CAMK4: variants seen among roughly 807,000 people sequenced by gnomAD.
CAMK4 encodes calcium/calmodulin dependent protein kinase IV, also known as calcium/calmodulin-dependent protein kinase type IV.
CAMK4 carries 22 observed loss-of-function variants against 44.9 expected under a neutral mutation model. The observed-to-expected ratio is 0.49, with a 90% CI of 0.35 to 0.70. The LOEUF (loss-of-function observed/expected upper bound fraction) is 0.70, where lower values mean the gene tolerates loss of function less well. Ranked by LOEUF, CAMK4 falls within the 30% of genes least tolerant of loss-of-function variation. The pLI, the probability that CAMK4 is intolerant of heterozygous loss-of-function variation, is 0.01. For missense variants in CAMK4, 498 were observed against 586.8 expected, an observed-to-expected ratio of 0.85 and a Z score of 1.56; for synonymous variants, 218 against 215.4, an observed-to-expected ratio of 1.01 and a Z score of -0.11.
chr5:111,476,381 A>C (rs991721782), intron 8 of CAMK4, among the ~76,000 whole-genome samples: 3 of 151,772 alleles, frequency 2.0e-5, no homozygotes, highest in African/African-American at 4.8e-5. Context: ...GGGTTCAAGC[A>C]ATTCTTCTGC....
In CAMK4 at chr5:111,230,620, TGAAA is replaced by T. The variant is rs764123411; in HGVS notation, c.161+5979_161+5982del. ...TGCTTCTAAACTGTTCTGGAGAACT[TGAAA>T]GAGAGAGAGAAAAAGAACACTAACC... is the stretch of plus-strand genomic sequence containing the variant. On this transcript the variant is annotated intron_variant, in intron 1 of 10. Coordinates refer to ENST00000282356, the MANE Select transcript of CAMK4 (RefSeq NM_001744.6). 8.6e-5 allele frequency among the ~76,000 whole-genome samples: 13 copies of T among 151,034 alleles called. No individual in the cohort carries two copies. In the East Asian group the frequency reaches 1.9e-3, roughly 23 times the overall value.
At chr5:111,424,563 G>C (rs1753150157) in intron 5 of CAMK4, among the ~76,000 whole-genome samples, 1 of 145,154 alleles carries the variant, frequency 6.9e-6, no homozygotes, top group Non-Finnish European at 1.5e-5. Flanking sequence ...TCCTGCCTCA[G>C]CCTCGCGAAT....
Position 111,433,798 on chromosome 5 carries a change from A to T in CAMK4, c.460-12888A>T, listed in dbSNP as rs562355672. ...GCTGTGTGGCTAGGGCATGGCAAGA[A>T]TTGTCCCAGGATGACGCACAGCCAC... On this transcript the variant is annotated intron_variant, in intron 5 of 10. Coordinates refer to ENST00000282356, the MANE Select transcript of CAMK4 (RefSeq NM_001744.6). Among the ~76,000 whole-genome samples the T allele has an allele frequency of 4.5e-4, 68 of 152,320 alleles. No individual in the cohort carries two copies. In the Middle Eastern group the frequency reaches 0.014, roughly 30 times the overall value.
At chr5:111,461,449 G>A (rs531508948) in intron 7 of CAMK4, among the ~76,000 whole-genome samples, 1 of 152,260 alleles carries the variant, frequency 6.6e-6, no homozygotes, top group Admixed American at 6.5e-5. Context: ...AACAGGTTGT[G>A]CTCCTTTCTT....
intron 1 of CAMK4, among the ~76,000 whole-genome samples, chr5:111,260,893 C>T (rs1333739513): frequency 2.0e-5 from 3 of 152,158 alleles, no homozygotes; most frequent in Non-Finnish European, 4.4e-5. Context: ...TCATCCTCCT[C>T]ATTGATTATC....
chr5:111,239,892 G>A (rs1442807916), intron 1 of CAMK4, among the ~76,000 whole-genome samples: 2 of 152,224 alleles, frequency 1.3e-5, no homozygotes, highest in African/African-American at 2.4e-5. Flanking sequence ...CAGCTTCTGA[G>A]TAAGCTTTCT....
intron 1 of CAMK4, among the ~76,000 whole-genome samples, chr5:111,342,715 CT>C (rs1749695350): frequency 6.6e-6 from 1 of 151,438 alleles, no homozygotes; most frequent in South Asian, 2.1e-4. Flanking sequence ...GCAATCCATT[CT>C]TGAATATTTC....
In CAMK4 at chr5:111,484,446, G is replaced by A. The variant is rs922833566; in HGVS notation, c.1402G>A (p.Val468Met). 3.9e-6 allele frequency: 6 copies of A among 1,522,962 alleles called. No homozygotes were observed. The highest frequency in any genetic ancestry group is 5.3e-6 in the Non-Finnish European group (6 of 1,136,784). The allele number at this position is 1,522,962 out of a possible 1,614,324, so 94.3% of individuals were successfully genotyped here. ...AVGFEVPQQD[V>M]ILPEY Reference sequence around the variant, plus strand: ...GGGTTTTGAAGTTCCACAGCAAGATGTGATCCTGCCAGAGTACTAAACAGC... The same window carrying A: ...GGGTTTTGAAGTTCCACAGCAAGATATGATCCTGCCAGAGTACTAAACAGC... The change falls in exon 11 of 11, where the codon GTG becomes ATG. Residue 468 changes from valine (V) to methionine (M), a missense_variant. By Grantham distance (21) the Val-to-Met change is conservative. This residue lies in a region of CAMK4 where 143 missense variants were observed against 144.9 expected (regional missense o/e 0.99). Transcript: ENST00000282356. This position sits in a 1 kb window ranked among gnomAD's most constrained non-coding sequence, Gnocchi z 5.3.
intron 1 of CAMK4, among the ~76,000 whole-genome samples, chr5:111,252,933 T>G (rs1243280565): frequency 6.6e-6 from 1 of 152,212 alleles, no homozygotes; most frequent in African/African-American, 2.4e-5. Context: ...GTGATGCTAC[T>G]TCTATTGATG....
intron 7 of CAMK4, among the ~76,000 whole-genome samples, chr5:111,462,799 C>A (rs1269516057): frequency 6.6e-6 from 1 of 152,162 alleles, no homozygotes; most frequent in Non-Finnish European, 1.5e-5. Flanking sequence ...ATTTTAGGAT[C>A]ATTTCCAAAA....
rs1366524541 is a variant in CAMK4, at chr5:111,493,004, G to A, written c.*8538G>A. The A allele has an allele frequency of 6.6e-6, 1 of 152,214 alleles. No individual in the cohort carries two copies. The highest frequency in any genetic ancestry group is 1.5e-5 in the Non-Finnish European group (1 of 68,100). The allele number at this position is 152,214 out of a possible 1,614,324, so 9.4% of individuals were successfully genotyped here. ...AGAAGTAGGGGGCATGTCTGGCTGAGAACCGGCCTGATCATAGAGTGGAAA... is the reference window on the plus strand; with the variant it reads ...AGAAGTAGGGGGCATGTCTGGCTGAAAACCGGCCTGATCATAGAGTGGAAA... On this transcript the variant is annotated 3_prime_UTR_variant, in exon 11 of 11. Coordinates refer to ENST00000282356, the MANE Select transcript of CAMK4 (RefSeq NM_001744.6). This position sits in a 1 kb window ranked among gnomAD's most constrained non-coding sequence, Gnocchi z 4.1.
intron 1 of CAMK4, among the ~76,000 whole-genome samples, chr5:111,321,666 T>C (rs1210963384): frequency 1.3e-5 from 2 of 152,108 alleles, no homozygotes; most frequent in African/African-American, 4.8e-5. Context: ...TATTTTGTCC[T>C]AAAATATGTC....
At chr5:111,279,297 T>C (rs78345930) in intron 1 of CAMK4, among the ~76,000 whole-genome samples, 19,267 of 152,128 alleles carry the variant, frequency 0.13, 1,610 homozygotes, top group Non-Finnish European at 0.19. Context: ...TGACTGTAGT[T>C]CAATTTGAGA....
chr5:111,484,135 A>G lies in CAMK4; in HGVS notation c.1091A>G (p.Asp364Gly). 1.2e-6 allele frequency: 2 copies of G among 1,614,212 alleles called. No homozygotes were observed. The highest frequency in any genetic ancestry group is 1.7e-6 in the Non-Finnish European group (2 of 1,180,032). The part of the protein sequence containing the change: ...KASRDPSPIQ[D>G]GNEDMKAIPE... Reference sequence around the variant, plus strand: ...AGCCGAGACCCTTCTCCAATCCAAGATGGCAACGAGGACATGAAAGCTATT... The same window carrying G: ...AGCCGAGACCCTTCTCCAATCCAAGGTGGCAACGAGGACATGAAAGCTATT... Residue 364 changes from aspartate to glycine, a missense_variant, in exon 11 of 11, where the codon GAT becomes GGT. Asp to Gly is a moderately conservative substitution (Grantham distance 94, BLOSUM62 -1). This residue lies in a region of CAMK4 where 143 missense variants were observed against 144.9 expected (regional missense o/e 0.99). Coordinates refer to ENST00000282356, the MANE Select transcript of CAMK4 (RefSeq NM_001744.6). The surrounding 1 kb of genome is among the most constrained non-coding windows in gnomAD (Gnocchi z 5.3).
rs551597631 is a variant in CAMK4 at position 111,420,209 on chromosome 5, T to C, written c.459+25427T>C. Among the ~76,000 whole-genome samples, 214 of 152,202 alleles carry C rather than the reference T, an allele frequency of 1.4e-3. 1 individual carries two copies. Among genetic ancestry groups the C allele is most frequent in the African/African-American group, 4.9e-3 (203 of 41,524 alleles). ...TATTTTATTCTCTTTGAAGCAATTG[T>C]GAATGGGAGTTCACTCATAATTTGG... On this transcript the variant is annotated intron_variant, in intron 5 of 10. Coordinates refer to ENST00000282356, the MANE Select transcript of CAMK4 (RefSeq NM_001744.6).
intron 5 of CAMK4, among the ~76,000 whole-genome samples, chr5:111,410,596 T>A (rs935394251): frequency 2.0e-5 from 3 of 152,188 alleles, no homozygotes; most frequent in African/African-American, 4.8e-5. Flanking sequence ...TGGTAGTAGT[T>A]GTTTGCCAAA....
chr5:111,233,400 C>T (rs1256072773), intron 1 of CAMK4, among the ~76,000 whole-genome samples: 5 of 152,188 alleles, frequency 3.3e-5, no homozygotes, highest in African/African-American at 1.2e-4. Flanking sequence ...AGTTCCATTT[C>T]TCTCTTTCTT....
chr5:111,322,639 C>T (rs1036775492), intron 1 of CAMK4, among the ~76,000 whole-genome samples: 1 of 151,552 alleles, frequency 6.6e-6, no homozygotes, highest in Non-Finnish European at 1.5e-5. Context: ...AAATTGTGAC[C>T]TAGAATCAGG....
chr5:111,257,789 A>C (rs1749803980), intron 1 of CAMK4, among the ~76,000 whole-genome samples: 1 of 152,252 alleles, frequency 6.6e-6, no homozygotes, highest in Admixed American at 6.5e-5. Flanking sequence ...AATGTGGTAC[A>C]TATATACCAA....
Sources: allele counts gnomAD v4.1 joint callset (sites outside exome capture counted in the v4.1 genomes callset), GRCh38; gene constraint gnomAD v4.1.1; regional missense constraint gnomAD v4.1.1; non-coding constraint Gnocchi (gnomAD v3.1); transcripts MANE v1.5; gene names NCBI Gene and HGNC (gene_info 2026-07-23, HGNC 2026-07-21).